HERC6: variants seen among roughly 807,000 people sequenced by gnomAD.
HERC6 encodes the protein HECT and RLD domain containing E3 ubiquitin protein ligase family member 6.
In HERC6, 101 loss-of-function variants were observed where a neutral mutation model predicts 114.5. The observed-to-expected ratio is 0.88, with a 90% confidence interval of 0.75 to 1.04. The LOEUF (loss-of-function observed/expected upper bound fraction) is 1.04, where lower values mean the gene tolerates loss of function less well. HERC6 is among the 50% of genes least tolerant of loss of function. The pLI is 0.00. For synonymous variants in HERC6, 408 were observed against 436.2 expected, an observed-to-expected ratio of 0.94 and a Z score of 0.81; for missense variants, 1,133 against 1,230.9, an observed-to-expected ratio of 0.92 and a Z score of 1.19.
intron 8 of HERC6, among the ~76,000 whole-genome samples, chr4:88,404,433 C>G (rs1735709868): frequency 6.6e-6 from 1 of 152,174 alleles, no homozygotes; most frequent in Non-Finnish European, 1.5e-5. Flanking sequence ...AGGTGATCCG[C>G]TTGCCTCAGC....
At chr4:88,437,601 A>G (rs994475443) in intron 19 of HERC6, 110 bp from the exon 20 acceptor site, 1 of 704,034 alleles carries the variant, frequency 1.4e-6, no homozygotes, top group African/African-American at 1.8e-5. Flanking sequence ...TTTAGCTCCA[A>G]GTTATTTTCA....
At position 88,439,934 on chromosome 4, in the gene HERC6, T is replaced by A. The variant is rs750491271; in HGVS notation, c.2616T>A (p.Tyr872Ter). 4.5e-5 allele frequency: 73 copies of A among 1,608,244 alleles called. No homozygotes were observed. Among genetic ancestry groups the A allele is most frequent in the Non-Finnish European group, 5.9e-5 (69 of 1,177,314 alleles). ...YIFNVSVKAV[Y>*]EEFQRGFYRV... ...TCAACGTCTCTGTAAAAGCAGTTTA[T>A]GAGGAATTTCAGAGAGGATTTTATA... The change falls in exon 21 of 23, where the codon TAT becomes TAA. Residue 872 changes from tyrosine (Y) to a stop codon, truncating the protein, a stop_gained. Transcript: ENST00000264346. LOFTEE classifies it high-confidence loss of function.
intron 8 of HERC6, 32 bp from the exon 9 acceptor site, chr4:88,404,843 TC>T: frequency 1.2e-6 from 2 of 1,610,130 alleles, no homozygotes; most frequent in Middle Eastern, 1.7e-4. Context: ...GTGTGTGTGT[TC>T]CTGATCATTC....
chr4:88,413,410 T>A, intron 12 of HERC6, 144 bp downstream of exon 12: 5 of 618,578 alleles, frequency 8.1e-6, no homozygotes, highest in Non-Finnish European at 1.4e-5. Flanking sequence ...ATTAATAATC[T>A]AAAGCTATTA....
At chr4:88,424,537 G>GT (rs1737401805) in intron 14 of HERC6, 58 bp from the exon 15 acceptor site, 3 of 1,289,496 alleles carry the variant, frequency 2.3e-6, no homozygotes, top group East Asian at 2.3e-5. Flanking sequence ...GGTAAAGGAA[G>GT]TAAGTTTTTT....
Position 88,423,875 on chromosome 4 carries a change from T to G in HERC6, c.1729T>G (p.Cys577Gly). Reference protein sequence around the residue: ...KELHKVNKANCRLPENTFNIN... With the variant: ...KELHKVNKANGRLPENTFNIN... Reference sequence around the variant, plus strand: ...TCTCTTTAAGGTAAACAAAGCTAACTGTCGACTACCAGAAAATACTTTCAA... The same window carrying G: ...TCTCTTTAAGGTAAACAAAGCTAACGGTCGACTACCAGAAAATACTTTCAA... Residue 577 changes from cysteine (C) to glycine (G), a missense_variant, in exon 14 of 23, where the codon TGT (cysteine) becomes GGT (glycine). Around this residue, in one of 3 missense-constraint regions of HERC6, gnomAD observed 735 missense variants for 754.0 expected, o/e 0.97. Coordinates refer to ENST00000264346, the MANE Select transcript of HERC6 (RefSeq NM_017912.4). 1 of 1,536,428 alleles carries G rather than the reference T, an allele frequency of 6.5e-7. No homozygotes were observed. The highest frequency in any genetic ancestry group is 8.8e-7 in the Non-Finnish European group (1 of 1,140,182).
intron 20 of HERC6, among the ~76,000 whole-genome samples, chr4:88,438,125 C>CAAAAA (rs746047106): frequency 4.6e-5 from 2 of 43,912 alleles, no homozygotes; most frequent in Non-Finnish European, 9.2e-5. Context: ...GACTGTGTCT[C>CAAAAA]AAAAAAAAAA....
At chr4:88,433,694 C>CTGA (rs1484774855) in intron 17 of HERC6, among the ~76,000 whole-genome samples, 1 of 152,168 alleles carries the variant, frequency 6.6e-6, no homozygotes, top group Non-Finnish European at 1.5e-5. Flanking sequence ...CTCCAGAACT[C>CTGA]TAAGAAATAC....
At chr4:88,390,926 G>A (rs1734887849) in intron 4 of HERC6, 47 bp downstream of exon 4, 2 of 1,501,088 alleles carry the variant, frequency 1.3e-6, no homozygotes, top group Non-Finnish European at 1.8e-6. Flanking sequence ...TTTCTTTCCA[G>A]GTGGAAGACC....
chr4:88,398,267 G>A lies in HERC6; in HGVS notation c.1092+58G>A, dbSNP rs533819898. The A allele has an allele frequency of 2.2e-4, 233 of 1,060,082 alleles. 2 individuals are homozygous for A. In the South Asian group the frequency reaches 2.6e-3, roughly 12 times the overall value. The allele number at this position is 1,060,082 out of a possible 1,614,324, so 65.7% of individuals were successfully genotyped here. Reference sequence around the variant, plus strand: ...TTATTTTTTCTCAAGATTTCAGACCGGTATTTGAAATACTGTATTATTCAT... The same window carrying A: ...TTATTTTTTCTCAAGATTTCAGACCAGTATTTGAAATACTGTATTATTCAT... On this transcript the variant is annotated intron_variant, in intron 8 of 22. Coordinates refer to ENST00000264346, the MANE Select transcript of HERC6 (RefSeq NM_017912.4).
At position 88,417,530 on chromosome 4, in the gene HERC6, A is replaced by T; in HGVS notation, c.1664A>T (p.Asp555Val). The change falls in exon 13 of 23, where the codon GAT becomes GTT. Residue 555 changes from aspartate to valine, a missense_variant. By Grantham distance (152) the Asp-to-Val change is radical (BLOSUM62 -3). Coordinates refer to ENST00000264346, the MANE Select transcript of HERC6 (RefSeq NM_017912.4). ...QLLHQTKTEQ[D>V]HCNVKALLGM... The stretch of plus-strand genomic sequence containing the variant: ...CTTCATCAGACTAAAACCGAACAGG[A>T]TCACTGTAATGTTAAAGCTCTTTTA... 1 of 1,613,058 alleles carries T rather than the reference A, an allele frequency of 6.2e-7. No individual in the cohort carries two copies. Among genetic ancestry groups the T allele is most frequent in the Non-Finnish European group, 8.5e-7 (1 of 1,179,526 alleles).
rs924390805 is a variant in HERC6 at position 88,439,914 on chromosome 4, G to A, written c.2596G>A (p.Val866Ile). Residue 866 changes from valine to isoleucine, a missense_variant, in exon 21 of 23, where the codon GTC (valine) becomes ATC (isoleucine). By Grantham distance (29) the Val-to-Ile change is conservative. Around this residue, in one of 3 missense-constraint regions of HERC6, gnomAD observed 388 missense variants for 445.9 expected, o/e 0.87. Transcript: ENST00000264346. ...VSKYIDYIFN[V>I]SVKAVYEEFQ... is the part of the protein sequence containing the mutation. Reference sequence around the variant, plus strand: ...TAAGTATATTGATTACATTTTCAACGTCTCTGTAAAAGCAGTTTATGAGGA... The same window carrying A: ...TAAGTATATTGATTACATTTTCAACATCTCTGTAAAAGCAGTTTATGAGGA... 19 of 1,570,964 alleles carry A rather than the reference G, an allele frequency of 1.2e-5. No individual in the cohort carries two copies. Among genetic ancestry groups the A allele is most frequent in the Middle Eastern group, 1.7e-4 (1 of 5,870 alleles).
rs577617131 is a variant in HERC6 at position 88,385,516 on chromosome 4, A to G, written c.377A>G (p.Asn126Ser). The change falls in exon 3 of 23, where the codon AAT (asparagine) becomes AGT (serine). Residue 126 changes from asparagine (N) to serine (S), a missense_variant. Asn to Ser is a conservative substitution (Grantham distance 46, BLOSUM62 1). Transcript: ENST00000264346. ...SFTPKKIMTL[N>S]DIKIIQVSCG... ...TATTATAGGAAAATAATGACTCTGA[A>G]TGATATAAAAATAATACAAGTTTCC... is the stretch of plus-strand genomic sequence containing the variant. 4 of 1,465,520 alleles carry G rather than the reference A, an allele frequency of 2.7e-6. No individual in the cohort carries two copies. Among genetic ancestry groups the G allele is most frequent in the Admixed American group, 2.4e-5 (1 of 42,144 alleles). The allele number at this position is 1,465,520 out of a possible 1,614,324, so 90.8% of individuals were successfully genotyped here. A position where few individuals can be genotyped will look rare whatever the true frequency, so the allele number is the denominator to read the frequency against.
rs12510688 is a variant in HERC6 at position 88,390,810 on chromosome 4, T to C, written c.595T>C (p.Cys199Arg). The C allele has an allele frequency of 0.087, 140,641 of 1,614,010 alleles. 6,964 individuals are homozygous for C. The highest frequency in any genetic ancestry group is 0.19 in the Admixed American group (11,570 of 60,008). ...GGAHSFALSL[C>R]GTSFGWGSNS... Reference sequence around the variant, plus strand: ...GGCTCACAGCTTTGCCCTGTCTCTCTGTGGGACTTCGTTTGGCTGGGGAAG... The same window carrying C: ...GGCTCACAGCTTTGCCCTGTCTCTCCGTGGGACTTCGTTTGGCTGGGGAAG... Residue 199 changes from cysteine (C) to arginine (R), a missense_variant, in exon 4 of 23, where the codon TGT becomes CGT. Transcript: ENST00000264346.
chr4:88,387,544 T>C (rs897938389), intron 3 of HERC6, among the ~76,000 whole-genome samples: 4 of 152,216 alleles, frequency 2.6e-5, no homozygotes, highest in Non-Finnish European at 5.9e-5. Flanking sequence ...CTATAGTGTT[T>C]AGGTCTCAAC....
chr4:88,390,899 T>G lies in HERC6; in HGVS notation c.664+20T>G. On this transcript the variant is annotated intron_variant, in intron 4 of 22. Coordinates refer to ENST00000264346, the MANE Select transcript of HERC6 (RefSeq NM_017912.4). ...TCCCAGGTAAGGAGATAGTCTTGTT[T>G]GTGCAGTAAATCATTCTTTCTTTCC... The G allele has an allele frequency of 1.3e-6, 2 of 1,581,822 alleles. No individual in the cohort carries two copies. The highest frequency in any genetic ancestry group is 1.7e-6 in the Non-Finnish European group (2 of 1,158,444).
Position 88,428,590 on chromosome 4 carries a change from A to G in HERC6, c.1946A>G (p.Lys649Arg). The G allele has an allele frequency of 1.3e-6, 2 of 1,583,724 alleles. No homozygotes were observed. The highest frequency in any genetic ancestry group is 1.7e-6 in the Non-Finnish European group (2 of 1,169,846). The change falls in exon 16 of 23, where the codon AAG becomes AGG. Residue 649 changes from lysine to arginine, a missense_variant. By Grantham distance (26) the Lys-to-Arg change is conservative. Around this residue, in one of 3 missense-constraint regions of HERC6, gnomAD observed 388 missense variants for 445.9 expected, o/e 0.87. Transcript: ENST00000264346. ...DSHIKMQMSEKKAYMLMHETI... is the reference protein window; with the variant it reads ...DSHIKMQMSERKAYMLMHETI... ...AATTTATTTTTCCAGATGTCAGAAA[A>G]GAAAGCATACATGCTTATGCATGAA...
chr4:88,432,646 T>C (rs1269194748), intron 17 of HERC6, among the ~76,000 whole-genome samples: 1 of 151,588 alleles, frequency 6.6e-6, no homozygotes, highest in African/African-American at 2.4e-5. Flanking sequence ...GGAGAATCAC[T>C]TGAACCTAAG....
rs764753612 is a variant in HERC6, at chr4:88,408,626, C to T, written c.1368+9C>T. Reference sequence around the variant, plus strand: ...AATGGATTTCTTCCATGGTAATAGCCAATACTTACTTTAGATATAGAACAA... The same window carrying T: ...AATGGATTTCTTCCATGGTAATAGCTAATACTTACTTTAGATATAGAACAA... On this transcript the variant is annotated intron_variant, in intron 11 of 22. Coordinates refer to ENST00000264346, the MANE Select transcript of HERC6 (RefSeq NM_017912.4). 8.1e-6 allele frequency: 12 copies of T among 1,489,472 alleles called. No homozygotes were observed. The South Asian group carries it at 1.2e-4, about 15-fold the overall frequency. The allele number at this position is 1,489,472 out of a possible 1,614,324, so 92.3% of individuals were successfully genotyped here.
Sources: gnomAD v4.1 joint callset for allele counts (sites outside exome capture counted in the v4.1 genomes callset) on GRCh38, gnomAD v4.1.1 for gene constraint, gnomAD v4.1.1 regional missense constraint, MANE v1.5 for transcripts, NCBI Gene and HGNC (gene_info 2026-07-23, HGNC 2026-07-21) for gene names.